The following RBFOX3 variants were observed in gnomAD, a reference collection of about 807,000 sequenced individuals.
RBFOX3 encodes RNA binding protein fox-1 homolog 3.
In RBFOX3, 17 loss-of-function variants were observed where a neutral mutation model predicts 48.7. The observed-to-expected ratio is 0.35, with a 90% CI of 0.24 to 0.52. The LOEUF (loss-of-function observed/expected upper bound fraction) is 0.52. RBFOX3 is among the 20% of genes least tolerant of loss of function. RBFOX3 has a pLI of 0.94. For missense variants in RBFOX3, 382 were observed against 497.5 expected, an observed-to-expected ratio of 0.77 and a Z score of 2.21; for synonymous variants, 212 against 209.5, an observed-to-expected ratio of 1.01 and a Z score of -0.10.
chr17:79,278,122 C>T (rs1287474819), intron 3 of RBFOX3, among the ~76,000 whole-genome samples: 3 of 152,318 alleles, frequency 2.0e-5, no homozygotes, highest in East Asian at 1.9e-4. Flanking sequence ...ATTGAGATGG[C>T]CCCAGGAAGG....
chr17:79,453,996 G>A (rs1170963961), intron 2 of RBFOX3, among the ~76,000 whole-genome samples: 2 of 152,164 alleles, frequency 1.3e-5, no homozygotes, highest in Non-Finnish European at 2.9e-5. Flanking sequence ...GCCCCCCATG[G>A]TGAGTTGGGA....
chr17:79,467,890 T>G (rs1363290607), intron 2 of RBFOX3, among the ~76,000 whole-genome samples: 1 of 149,680 alleles, frequency 6.7e-6, no homozygotes, highest in Non-Finnish European at 1.5e-5. Flanking sequence ...CACCACGCCC[T>G]CTGACCCTCT....
chr17:79,135,858 G>A (rs561971936), intron 4 of RBFOX3, among the ~76,000 whole-genome samples: 46 of 152,292 alleles, frequency 3.0e-4, no homozygotes, highest in Middle Eastern at 3.4e-3. Context: ...TCCCTAAGAC[G>A]CCAGCCAGGG....
intron 1 of RBFOX3, among the ~76,000 whole-genome samples, chr17:79,561,352 GGACA>G (rs1444045808): frequency 2.0e-5 from 3 of 152,080 alleles, no homozygotes; most frequent in Non-Finnish European, 4.4e-5. Flanking sequence ...AAGAAACGCT[GGACA>G]GTCAGCCCTT....
chr17:79,548,003 C>G lies in RBFOX3; in HGVS notation c.-320+62823G>C, dbSNP rs115005902. Among the ~76,000 whole-genome samples the G allele has an allele frequency of 6.6e-3, 1,001 of 152,374 alleles. 12 individuals carry two copies. Among genetic ancestry groups the G allele is most frequent in the African/African-American group, 0.022 (922 of 41,588 alleles). On this transcript the variant is annotated intron_variant, in intron 1 of 14. Coordinates refer to ENST00000693108, the MANE Select transcript of RBFOX3 (RefSeq NM_001350451.2). ...GAGAGGACCAGCTTCCCTCCTCACCCTATCCTGGACTACTCTGAACATTTC... is the reference window on the plus strand; with the variant it reads ...GAGAGGACCAGCTTCCCTCCTCACCGTATCCTGGACTACTCTGAACATTTC...
chr17:79,283,292 G>A (rs1447556185), intron 3 of RBFOX3, among the ~76,000 whole-genome samples: 1 of 142,830 alleles, frequency 7.0e-6, no homozygotes, highest in African/African-American at 2.6e-5. Flanking sequence ...TTTTGAGATG[G>A]GAGTCTTGCT....
chr17:79,285,528 A>T (rs1035940445), intron 3 of RBFOX3, among the ~76,000 whole-genome samples: 1 of 152,190 alleles, frequency 6.6e-6, no homozygotes, highest in Non-Finnish European at 1.5e-5. Flanking sequence ...GTAGGTAAAG[A>T]TCTGTAAACC....
At chr17:79,284,608 C>T (rs550038369) in intron 3 of RBFOX3, among the ~76,000 whole-genome samples, 26 of 148,720 alleles carry the variant, frequency 1.7e-4, no homozygotes, top group Middle Eastern at 6.8e-3. Flanking sequence ...GGCTTGATCT[C>T]GACTTACTGC....
At chr17:79,516,274 G>C (rs2085239437) in intron 1 of RBFOX3, 1 of 152,238 alleles carries the variant, frequency 6.6e-6, no homozygotes, top group African/African-American at 2.4e-5. Context: ...GACAGACATT[G>C]AATTGAAGAG....
intron 4 of RBFOX3, among the ~76,000 whole-genome samples, chr17:79,182,870 G>T (rs1310533081): frequency 6.6e-6 from 1 of 150,800 alleles, no homozygotes; most frequent in Non-Finnish European, 1.5e-5. Context: ...ACGCTGCCAG[G>T]GAGGATGCCC....
At chr17:79,177,959 C>A (rs2050967432) in intron 4 of RBFOX3, among the ~76,000 whole-genome samples, 1 of 152,206 alleles carries the variant, frequency 6.6e-6, no homozygotes, top group Non-Finnish European at 1.5e-5. Context: ...ACAGAGACGG[C>A]CCCCAGGGAA....
At chr17:79,527,381 A>G (rs2086941931) in intron 1 of RBFOX3, among the ~76,000 whole-genome samples, 1 of 152,206 alleles carries the variant, frequency 6.6e-6, no homozygotes, top group South Asian at 2.1e-4. Context: ...TGCATATAGA[A>G]GATCCACCAG....
intron 3 of RBFOX3, among the ~76,000 whole-genome samples, chr17:79,274,174 T>C (rs2068278919): frequency 6.6e-6 from 1 of 152,182 alleles, no homozygotes; most frequent in South Asian, 2.1e-4. Flanking sequence ...GTCTGGGCAC[T>C]GGTACCCCTC....
At chr17:79,512,745 C>T (rs530049994) in intron 1 of RBFOX3, among the ~76,000 whole-genome samples, 2 of 148,306 alleles carry the variant, frequency 1.3e-5, no homozygotes, top group Admixed American at 6.7e-5. Context: ...CCATCGGGTA[C>T]GGCCCCATGG....
chr17:79,625,055 T>A, the RBFOX3 span, among the ~76,000 whole-genome samples: 1 of 152,076 alleles, frequency 6.6e-6, no homozygotes, highest in African/African-American at 2.4e-5. Flanking sequence ...TTATGCGCTA[T>A]GACATGCAGA....
chr17:79,566,111 C>T (rs912261367), intron 1 of RBFOX3, among the ~76,000 whole-genome samples: 3 of 152,174 alleles, frequency 2.0e-5, no homozygotes, highest in Non-Finnish European at 4.4e-5. Flanking sequence ...GCGCCCCATC[C>T]GAGACATCAG....
At chr17:79,172,099 G>A (rs951718467) in intron 4 of RBFOX3, among the ~76,000 whole-genome samples, 12 of 150,798 alleles carry the variant, frequency 8.0e-5, no homozygotes, top group East Asian at 3.9e-4. Flanking sequence ...GCCTGAACCC[G>A]GGAGGTGGAG....
chr17:79,590,039 G>A (rs938769733), intron 1 of RBFOX3, among the ~76,000 whole-genome samples: 13 of 152,186 alleles, frequency 8.5e-5, no homozygotes, highest in African/African-American at 3.1e-4. Context: ...GGAGGGCACT[G>A]CAGGGGCGGT....
intron 2 of RBFOX3, among the ~76,000 whole-genome samples, chr17:79,463,207 T>A (rs1456637889): frequency 1.5e-5 from 1 of 66,164 alleles, no homozygotes. Context: ...CCATCGCCAC[T>A]GCCACCTCCA....
Sources: gnomAD v4.1 joint callset for allele counts (sites outside exome capture counted in the v4.1 genomes callset) on GRCh38, gnomAD v4.1.1 for gene constraint, MANE v1.5 for transcripts, NCBI Gene and HGNC (gene_info 2026-07-23, HGNC 2026-07-21) for gene names.